NRG1: variants seen among roughly 807,000 people sequenced by gnomAD.
The protein encoded by NRG1 is neuregulin 1, also known as pro-neuregulin-1, membrane-bound isoform.
Under a neutral mutation model 63.8 loss-of-function variants are expected in NRG1, and 18 were observed. The ratio of observed to expected loss-of-function variants is 0.28; its 90% CI spans 0.19 to 0.42. The LOEUF (loss-of-function observed/expected upper bound fraction) is 0.42. Ranked by LOEUF, NRG1 falls within the 10% of genes least tolerant of loss-of-function variation. NRG1 has a pLI of 1.00. For synonymous variants in NRG1, 302 were observed against 301.3 expected (o/e 1.00, Z -0.02); for missense variants, 762 against 814.7 (o/e 0.94, Z 0.79).
intron 1 of NRG1, among the ~76,000 whole-genome samples, chr8:32,230,794 A>T (rs1226895907): frequency 1.3e-5 from 2 of 151,816 alleles, no homozygotes; most frequent in African/African-American, 4.8e-5. Context: ...TGAAATTTTG[A>T]TACATACAAT....
intron 1 of NRG1, among the ~76,000 whole-genome samples, chr8:31,944,670 C>T (rs1185503430): frequency 6.6e-6 from 1 of 152,142 alleles, no homozygotes; most frequent in African/African-American, 2.4e-5. Flanking sequence ...AACATGTAAA[C>T]ATACACCTGA....
intron 7 of NRG1, among the ~76,000 whole-genome samples, chr8:32,745,445 T>C (rs1349227226): frequency 2.6e-5 from 4 of 152,140 alleles, no homozygotes; most frequent in Admixed American, 6.6e-5. Flanking sequence ...GTGATTCTGG[T>C]CAGAATGTCC....
At chr8:31,792,919 T>G (rs1820854481) in intron 1 of NRG1, among the ~76,000 whole-genome samples, 1 of 152,020 alleles carries the variant, frequency 6.6e-6, no homozygotes, top group South Asian at 2.1e-4. Context: ...GAGCAAGGAG[T>G]CTTTAAAAAG....
intron 1 of NRG1, among the ~76,000 whole-genome samples, chr8:32,207,225 T>C (rs1276794309): frequency 2.0e-5 from 3 of 152,104 alleles, no homozygotes; most frequent in Non-Finnish European, 4.4e-5. Context: ...AATGTCGCTT[T>C]CCAACAAAAA....
chr8:31,897,496 C>T (rs987619644), intron 1 of NRG1, among the ~76,000 whole-genome samples: 1 of 152,158 alleles, frequency 6.6e-6, no homozygotes, highest in Admixed American at 6.5e-5. Context: ...AATCCACATT[C>T]TGAAGAGAAT....
chr8:31,772,581 G>A (rs1469568723), intron 1 of NRG1, among the ~76,000 whole-genome samples: 1 of 152,136 alleles, frequency 6.6e-6, no homozygotes, highest in Non-Finnish European at 1.5e-5. Flanking sequence ...GAAGGTAGGT[G>A]TCAGGATGGA....
At chr8:32,760,612 G>A (rs1336563223) in intron 11 of NRG1, 1 of 1,375,822 alleles carries the variant, frequency 7.3e-7, no homozygotes, top group African/African-American at 1.5e-5. Context: ...CCCAGTGACT[G>A]ACAGGCAACA....
chr8:32,508,781 G>T (rs1031225383), intron 1 of NRG1, among the ~76,000 whole-genome samples: 5 of 151,826 alleles, frequency 3.3e-5, no homozygotes, highest in African/African-American at 1.2e-4. Context: ...CGTCACTCAG[G>T]CTGGAGTGCA....
At chr8:31,754,640 C>A (rs1050049830) in intron 1 of NRG1, among the ~76,000 whole-genome samples, 1 of 152,000 alleles carries the variant, frequency 6.6e-6, no homozygotes, top group South Asian at 2.1e-4. Context: ...TTTGGATATC[C>A]TCTCACTTCT....
intron 1 of NRG1, among the ~76,000 whole-genome samples, chr8:32,066,491 T>C (rs560547013): frequency 3.9e-5 from 6 of 152,288 alleles, no homozygotes; most frequent in African/African-American, 1.4e-4. Flanking sequence ...AAAGATCAGA[T>C]AGTTGTAGAT....
At chr8:32,482,727 G>A (rs1029546667) in intron 1 of NRG1, among the ~76,000 whole-genome samples, 1 of 152,146 alleles carries the variant, frequency 6.6e-6, no homozygotes, top group African/African-American at 2.4e-5. Context: ...GAGGGAACAG[G>A]CAGATGGACT....
chr8:31,905,948 T>G (rs1832486083), intron 1 of NRG1, among the ~76,000 whole-genome samples: 1 of 152,226 alleles, frequency 6.6e-6, no homozygotes, highest in African/African-American at 2.4e-5. Context: ...AAATGATATG[T>G]TAAATAGTTT....
chr8:32,640,384 G>A (rs1016284595), intron 5 of NRG1, among the ~76,000 whole-genome samples: 2 of 151,434 alleles, frequency 1.3e-5, no homozygotes, highest in South Asian at 2.1e-4. Flanking sequence ...CTTCTATGTC[G>A]TTTTCATTTG....
At chr8:32,463,150 A>T (rs1822545875) in intron 1 of NRG1, among the ~76,000 whole-genome samples, 1 of 152,006 alleles carries the variant, frequency 6.6e-6, no homozygotes, top group African/African-American at 2.4e-5. Flanking sequence ...TAGGTTGGAT[A>T]ATTATTCCAT....
intron 1 of NRG1, among the ~76,000 whole-genome samples, chr8:31,744,377 G>T (rs139213456): frequency 0.01 from 1,521 of 152,090 alleles, 9 homozygotes; most frequent in Admixed American, 0.017. Flanking sequence ...GCACTTTGTG[G>T]AACTTATTTC....
chr8:32,400,038 T>C (rs1213002377), intron 1 of NRG1, among the ~76,000 whole-genome samples: 1 of 152,176 alleles, frequency 6.6e-6, no homozygotes, highest in Non-Finnish European at 1.5e-5. Flanking sequence ...AGTCCATAAA[T>C]TGTTTTGAGG....
intron 1 of NRG1, among the ~76,000 whole-genome samples, chr8:32,489,438 A>G (rs1051408209): frequency 6.6e-6 from 1 of 152,068 alleles, no homozygotes; most frequent in Admixed American, 6.5e-5. Context: ...GCAACCAATT[A>G]TTTTAGAGAG....
chr8:31,685,248 C>T (rs187075577), intron 1 of NRG1, among the ~76,000 whole-genome samples: 1 of 152,136 alleles, frequency 6.6e-6, no homozygotes, highest in East Asian at 1.9e-4. Context: ...TGCAAATCAT[C>T]AAAGTTAAAT....
chr8:31,974,128 A>T (rs554456952), intron 1 of NRG1, among the ~76,000 whole-genome samples: 1 of 152,170 alleles, frequency 6.6e-6, no homozygotes, highest in African/African-American at 2.4e-5. Context: ...TCATGTTCAT[A>T]GGCAAAACAA....
Sources: allele counts gnomAD v4.1 joint callset (sites outside exome capture counted in the v4.1 genomes callset), GRCh38; gene constraint gnomAD v4.1.1; transcripts MANE v1.5; gene names NCBI Gene and HGNC (gene_info 2026-07-23, HGNC 2026-07-21).